Variants in TCERG1L observed in about 807,000 individuals in gnomAD.
The protein encoded by TCERG1L is transcription elongation regulator 1 like.
Under a neutral mutation model 56.3 loss-of-function variants are expected in TCERG1L, and 37 were observed. The observed-to-expected ratio is 0.66, with a 90% CI of 0.51 to 0.87. TCERG1L has a LOEUF of 0.87. Among genes scored for constraint, TCERG1L ranks in the 40% least tolerant of loss-of-function variants. TCERG1L has a pLI of 0.00. For missense variants in TCERG1L, 799 were observed against 774.2 expected, an observed-to-expected ratio of 1.03 and a Z score of -0.38; for synonymous variants, 324 against 326.3, an observed-to-expected ratio of 0.99 and a Z score of 0.08.
chr10:131,263,663 C>G (rs1211795488), intron 3 of TCERG1L, among the ~76,000 whole-genome samples: 2 of 152,252 alleles, frequency 1.3e-5, no homozygotes, highest in Non-Finnish European at 2.9e-5. Context: ...AAACAACCGT[C>G]TGCAAACAGG....
At chr10:131,290,562 C>T (rs1230589067) in intron 3 of TCERG1L, among the ~76,000 whole-genome samples, 1 of 142,646 alleles carries the variant, frequency 7.0e-6, no homozygotes, top group African/African-American at 2.6e-5. Flanking sequence ...ACCCACGAGG[C>T]GGAGGTTGCA....
chr10:131,119,125 C>T (rs1301900150), intron 8 of TCERG1L, among the ~76,000 whole-genome samples: 1 of 152,158 alleles, frequency 6.6e-6, no homozygotes, highest in Non-Finnish European at 1.5e-5. Context: ...CCGTCCAGGC[C>T]TCCCAACACC....
intron 4 of TCERG1L, among the ~76,000 whole-genome samples, chr10:131,233,413 T>TAC (rs908198531): frequency 6.6e-6 from 1 of 151,474 alleles, no homozygotes; most frequent in African/African-American, 2.4e-5. Context: ...GAATATCCAT[T>TAC]ACACACACAC....
chr10:131,226,839 T>C (rs1845795150), intron 4 of TCERG1L, among the ~76,000 whole-genome samples: 1 of 152,284 alleles, frequency 6.6e-6, no homozygotes, highest in South Asian at 2.1e-4. Flanking sequence ...TGTATTTTCA[T>C]GTTTGTGTAG....
At chr10:131,142,492 T>C (rs1307368299) in intron 7 of TCERG1L, among the ~76,000 whole-genome samples, 2 of 152,244 alleles carry the variant, frequency 1.3e-5, no homozygotes, top group African/African-American at 2.4e-5. Context: ...TCAATTTACA[T>C]TGGTCTTGAA....
intron 4 of TCERG1L, among the ~76,000 whole-genome samples, chr10:131,175,449 C>T (rs1042818697): frequency 2.7e-5 from 4 of 149,606 alleles, no homozygotes; most frequent in African/African-American, 9.8e-5. Context: ...GGCACTGCAG[C>T]CCACCGCAGG....
intron 7 of TCERG1L, among the ~76,000 whole-genome samples, chr10:131,136,735 A>G (rs1845679220): frequency 6.6e-6 from 1 of 150,926 alleles, no homozygotes; most frequent in Non-Finnish European, 1.5e-5. Flanking sequence ...ACCCCAAGTG[A>G]TTCGCCCCCC....
chr10:131,137,099 C>T (rs1367809481), intron 7 of TCERG1L, among the ~76,000 whole-genome samples: 1 of 152,008 alleles, frequency 6.6e-6, no homozygotes, highest in African/African-American at 2.4e-5. Flanking sequence ...GCGATTGTGC[C>T]ACTGCACTCC....
Position 131,146,488 on chromosome 10 carries a change from A to C in TCERG1L, c.1189+18T>G, listed in dbSNP as rs1461149207. ...TAAACACTTCAAAGGAGGTGTAAAT[A>C]ACCCAGGGCTTAGTTACTTGCTGGT... is the stretch of plus-strand genomic sequence containing the variant. On this transcript the variant is annotated intron_variant, in intron 7 of 11. Coordinates refer to ENST00000368642, the MANE Select transcript of TCERG1L (RefSeq NM_174937.4). 1 of 1,587,148 alleles carries C rather than the reference A, an allele frequency of 6.3e-7. No homozygotes were observed.
At chr10:131,133,200 TC>T (rs1845637683) in intron 8 of TCERG1L, among the ~76,000 whole-genome samples, 1 of 152,050 alleles carries the variant, frequency 6.6e-6, no homozygotes, top group Admixed American at 6.5e-5. Context: ...TGCTCCCTCT[TC>T]CCCTCTCTTC....
chr10:131,199,990 T>C (rs1414148471), intron 4 of TCERG1L, among the ~76,000 whole-genome samples: 1 of 152,220 alleles, frequency 6.6e-6, no homozygotes, highest in African/African-American at 2.4e-5. Flanking sequence ...ACATTCCTCC[T>C]TTCCATCTGA....
At chr10:131,281,784 T>TTGGCAGGAAGTGACTCCGCGGCAGGGAA (rs1554899109) in intron 3 of TCERG1L, among the ~76,000 whole-genome samples, 5 of 150,000 alleles carry the variant, frequency 3.3e-5, no homozygotes, top group Admixed American at 6.6e-5. Flanking sequence ...CCAAAAAGCC[T>TTGGCAGGAAGTGACTCCGCGGCAGGGAA]GATCCGCCCC....
intron 4 of TCERG1L, among the ~76,000 whole-genome samples, chr10:131,177,088 TCA>T (rs1491081878): frequency 2.6e-4 from 9 of 34,506 alleles, no homozygotes; most frequent in African/African-American, 6.9e-4. Flanking sequence ...ACACACGTAC[TCA>T]CAGACACATG....
At chr10:131,213,650 C>T (rs1845639461) in intron 4 of TCERG1L, among the ~76,000 whole-genome samples, 1 of 152,184 alleles carries the variant, frequency 6.6e-6, no homozygotes, top group African/African-American at 2.4e-5. Flanking sequence ...ATTATGCAAG[C>T]TGCTTCCATC....
At chr10:131,274,600 C>G (rs2133556398) in intron 3 of TCERG1L, among the ~76,000 whole-genome samples, 1 of 152,312 alleles carries the variant, frequency 6.6e-6, no homozygotes, top group South Asian at 2.1e-4. Flanking sequence ...TTAAAACCCC[C>G]TTAGGGCCCA....
chr10:131,122,803 G>A (rs995103945), intron 8 of TCERG1L, among the ~76,000 whole-genome samples: 3 of 152,224 alleles, frequency 2.0e-5, no homozygotes, highest in Non-Finnish European at 4.4e-5. Context: ...GCTGGTGTCT[G>A]AGGTAGGGGT....
chr10:131,177,320 T>C (rs951400710), intron 4 of TCERG1L, among the ~76,000 whole-genome samples: 2 of 152,274 alleles, frequency 1.3e-5, no homozygotes, highest in Non-Finnish European at 2.9e-5. Flanking sequence ...TTCGGCCACC[T>C]GTCACAGCGG....
intron 4 of TCERG1L, among the ~76,000 whole-genome samples, chr10:131,250,203 G>C (rs2133531774): frequency 6.6e-6 from 1 of 152,302 alleles, no homozygotes; most frequent in African/African-American, 2.4e-5. Flanking sequence ...AGAATCACCA[G>C]ACACTGAGAC....
chr10:131,172,751 A>C (rs1427341944), intron 4 of TCERG1L, among the ~76,000 whole-genome samples: 2 of 152,208 alleles, frequency 1.3e-5, no homozygotes, highest in Non-Finnish European at 2.9e-5. Context: ...GGCAGGAGCC[A>C]ACCGGGAGTC....
Sources: allele counts gnomAD v4.1 joint callset (sites outside exome capture counted in the v4.1 genomes callset), GRCh38; gene constraint gnomAD v4.1.1; transcripts MANE v1.5; gene names NCBI Gene and HGNC (gene_info 2026-07-23, HGNC 2026-07-21).